GFPT2: variants seen among roughly 807,000 people sequenced by gnomAD.
GFPT2 encodes glutamine--fructose-6-phosphate transaminase 2, also known as glutamine--fructose-6-phosphate aminotransferase [isomerizing] 2.
A neutral mutation model predicts 85.6 loss-of-function variants in GFPT2; 62 were observed. That is an observed-to-expected ratio of 0.72 (90% CI 0.59 to 0.90). The LOEUF is 0.90. Ranked by LOEUF, GFPT2 falls within the 40% of genes least tolerant of loss-of-function variation. The pLI is 0.00. For missense variants in GFPT2, 788 were observed against 893.4 expected, an observed-to-expected ratio of 0.88 and a Z score of 1.50; for synonymous variants, 368 against 344.5, an observed-to-expected ratio of 1.07 and a Z score of -0.75.
At chr5:180,305,282 T>C (rs1034175912) in intron 16 of GFPT2, among the ~76,000 whole-genome samples, 1 of 152,172 alleles carries the variant, frequency 6.6e-6, no homozygotes, top group Admixed American at 6.5e-5. Context: ...TGCTCCTCCC[T>C]AGCCAGCCAC....
chr5:180,312,634 G>T, intron 14 of GFPT2, 90 bp from the exon 15 acceptor site: 2 of 718,118 alleles, frequency 2.8e-6, no homozygotes, highest in Non-Finnish European at 5.0e-6. Flanking sequence ...TGTTGCTCAC[G>T]CCTGAGTGCA....
In GFPT2 at chr5:180,328,447, G is replaced by C; in HGVS notation, c.535-109C>G. On this transcript the variant is annotated intron_variant, in intron 6 of 18. Transcript: ENST00000253778. This position sits in a 1 kb window ranked among gnomAD's most constrained non-coding sequence, Gnocchi z 5.4. ...GCCCCTCCTGATGGCGGGAGGTCCT[G>C]GGGTCCCTCGGGGAGCTGAGTGCAG... 1 of 804,680 alleles carries C rather than the reference G, an allele frequency of 1.2e-6. No individual in the cohort carries two copies. Among genetic ancestry groups the C allele is most frequent in the Non-Finnish European group, 2.2e-6 (1 of 463,758 alleles). 49.8% of individuals were successfully genotyped at this position (804,680 alleles called of 1,614,324 possible). A position where few individuals can be genotyped will look rare whatever the true frequency, so the allele number is the denominator to read the frequency against.
chr5:180,340,678 A>AT (rs966539468), intron 1 of GFPT2, among the ~76,000 whole-genome samples: 5 of 148,694 alleles, frequency 3.4e-5, no homozygotes, highest in African/African-American at 9.9e-5. Context: ...TGCCCAGCTA[A>AT]TTTTTTTTTG....
chr5:180,317,721 A>T (rs4700940), intron 10 of GFPT2, among the ~76,000 whole-genome samples: 62,631 of 92,706 alleles, frequency 0.68, 21,635 homozygotes, highest in East Asian at 0.88. Flanking sequence ...ATCGCGCCAC[A>T]GCACTCCAGC....
intron 2 of GFPT2, among the ~76,000 whole-genome samples, chr5:180,338,050 A>T (rs1764437294): frequency 6.6e-6 from 1 of 152,174 alleles, no homozygotes; most frequent in Admixed American, 6.5e-5. Context: ...GCCTGAGCCC[A>T]GGAGCTTGAG....
chr5:180,313,459 G>A lies in GFPT2; in HGVS notation c.1431+348C>T, dbSNP rs192233284. Among the ~76,000 whole-genome samples the A allele has an allele frequency of 2.9e-3, 386 of 135,332 alleles. 10 individuals are homozygous for A. The highest frequency in any genetic ancestry group is 0.025 in the Admixed American group (332 of 13,192). 88.8% of individuals were successfully genotyped at this position (135,332 alleles called of 152,430 possible). On this transcript the variant is annotated intron_variant, in intron 14 of 18. Transcript: ENST00000253778. ...ACAAAAAATGAGCCGGGTGTGGGGCGGGTGCCTGTAGTCCCAGCTACTCGG... is the reference window on the plus strand; with the variant it reads ...ACAAAAAATGAGCCGGGTGTGGGGCAGGTGCCTGTAGTCCCAGCTACTCGG...
In GFPT2 at chr5:180,331,067, A is replaced by G. The variant is rs6887820; in HGVS notation, c.400-233T>C. ...GCTCACCCTTGCCACTAATCTGGACATTGCAAAATAACAGCAGTCAAAATG... is the reference window on the plus strand; with the variant it reads ...GCTCACCCTTGCCACTAATCTGGACGTTGCAAAATAACAGCAGTCAAAATG... On this transcript the variant is annotated intron_variant, in intron 5 of 18. Transcript: ENST00000253778. The G allele has an allele frequency of 9.4e-3, 5,130 of 548,092 alleles. 218 individuals are homozygous for G. The highest frequency in any genetic ancestry group is 0.089 in the African/African-American group (4,696 of 52,488). 34.0% of individuals were successfully genotyped at this position (548,092 alleles called of 1,614,324 possible).
chr5:180,342,177 A>C (rs1330629020), intron 1 of GFPT2, among the ~76,000 whole-genome samples: 5 of 152,114 alleles, frequency 3.3e-5, no homozygotes, highest in Non-Finnish European at 7.4e-5. Flanking sequence ...GCCATGTGGA[A>C]CTATGAGTCC....
At chr5:180,331,262 G>C (rs1455441266) in intron 5 of GFPT2, 1 of 554,440 alleles carries the variant, frequency 1.8e-6, no homozygotes. Flanking sequence ...TTTTGATTCT[G>C]GGAATCTGCA....
intron 1 of GFPT2, 199 bp downstream of exon 1, chr5:180,353,012 T>A: frequency 2.1e-5 from 8 of 383,554 alleles, no homozygotes; most frequent in Non-Finnish European, 3.1e-5. Context: ...CACCCACACC[T>A]CCGAGACGGC....
chr5:180,347,642 T>G (rs6601111), intron 1 of GFPT2, among the ~76,000 whole-genome samples: 2 of 152,124 alleles, frequency 1.3e-5, no homozygotes, highest in East Asian at 3.9e-4. Flanking sequence ...AGCAAAGACA[T>G]CATGAAGGGG....
chr5:180,324,752 G>A (rs1764180976), intron 8 of GFPT2, 64 bp downstream of exon 8: 1 of 1,061,810 alleles, frequency 9.4e-7, no homozygotes, highest in South Asian at 1.2e-5. Context: ...GACTGTGCCA[G>A]AGCAGCTGCC....
intron 2 of GFPT2, among the ~76,000 whole-genome samples, chr5:180,337,449 T>C (rs1206906718): frequency 2.5e-5 from 3 of 121,442 alleles, no homozygotes; most frequent in Non-Finnish European, 5.1e-5. Context: ...CGAGACTCCA[T>C]CTCGAAAAAA....
At chr5:180,337,654 A>G (rs1178463405) in intron 2 of GFPT2, among the ~76,000 whole-genome samples, 3 of 149,132 alleles carry the variant, frequency 2.0e-5, no homozygotes, top group Non-Finnish European at 4.4e-5. Context: ...CTCCTTTTTT[A>G]ATGAAGCCAC....
At chr5:180,302,306 C>T in intron 18 of GFPT2, 117 bp downstream of exon 18, 1 of 723,210 alleles carries the variant, frequency 1.4e-6, no homozygotes, top group Non-Finnish European at 2.1e-6. Flanking sequence ...AAAAAGAAAG[C>T]TACTTTAAAT....
intron 4 of GFPT2, among the ~76,000 whole-genome samples, chr5:180,332,185 C>A (rs752840559): frequency 3.8e-4 from 54 of 143,980 alleles, no homozygotes; most frequent in Non-Finnish European, 7.2e-4. Context: ...ACCCAGCTCA[C>A]GCGGGCGGCT....
At chr5:180,325,828 C>T (rs1764202316) in intron 7 of GFPT2, among the ~76,000 whole-genome samples, 1 of 152,196 alleles carries the variant, frequency 6.6e-6, no homozygotes, top group Admixed American at 6.5e-5. Flanking sequence ...AGTTTGACAC[C>T]AGCCTGGCCA....
Position 180,324,886 on chromosome 5 carries a change from G to A in GFPT2, c.606C>T (p.Ser202=). 2 of 1,608,098 alleles carry A rather than the reference G, an allele frequency of 1.2e-6. No homozygotes were observed. The highest frequency in any genetic ancestry group is 1.7e-6 in the Non-Finnish European group (2 of 1,174,608). Residue 202 remains serine, a synonymous_variant, in exon 8 of 19, where the codon AGC becomes AGT. Transcript: ENST00000253778. ...PGEAVATRRG[S]PLLIGVRSKY... The stretch of plus-strand genomic sequence containing the variant: ...TGCTCCGGACTCCGATGAGCAGGGG[G>A]CTGCCTCTCCTGTAGGGAGAAAGAG...
intron 14 of GFPT2, among the ~76,000 whole-genome samples, chr5:180,313,606 T>TAAAATAAAAATA (rs370913578): frequency 2.1e-5 from 3 of 144,406 alleles, no homozygotes; most frequent in East Asian, 2.1e-4. Context: ...AATAAATAAA[T>TAAAATAAAAATA]AAAATAAAAA....
Sources: gnomAD v4.1 joint callset for allele counts (sites outside exome capture counted in the v4.1 genomes callset) on GRCh38, gnomAD v4.1.1 for gene constraint, Gnocchi (gnomAD v3.1) non-coding constraint, MANE v1.5 for transcripts, NCBI Gene and HGNC (gene_info 2026-07-23, HGNC 2026-07-21) for gene names.